ROBO2: variants seen among roughly 807,000 people sequenced by gnomAD.
ROBO2 encodes the protein roundabout guidance receptor 2, also known as roundabout homolog 2.
In ROBO2, 53 loss-of-function variants were observed where a neutral mutation model predicts 160.8. That is an observed-to-expected ratio of 0.33 (90% CI 0.26 to 0.41). ROBO2 has a LOEUF of 0.41. Ranked by LOEUF, ROBO2 falls within the 10% of genes least tolerant of loss-of-function variation. ROBO2 has a pLI of 1.00. For synonymous variants in ROBO2, 664 were observed against 611.7 expected (o/e 1.09, Z -1.26); for missense variants, 1,577 against 1,722.4 (o/e 0.92, Z 1.49).
intron 2 of ROBO2, among the ~76,000 whole-genome samples, chr3:76,049,313 C>A (rs528397690): frequency 1.2e-4 from 18 of 150,112 alleles, no homozygotes; most frequent in African/African-American, 4.2e-4. Flanking sequence ...TGGGCTCAAG[C>A]AATCCTCTCA....
intron 3 of ROBO2, among the ~76,000 whole-genome samples, chr3:77,477,830 C>CTTTTTTTTTTT (rs11371687): frequency 1.2e-5 from 1 of 84,472 alleles, no homozygotes; most frequent in Non-Finnish European, 2.1e-5. Flanking sequence ...TATTTTAGCT[C>CTTTTTTTTTTT]TTTTTTTTTT....
At chr3:77,027,434 A>G (rs938071111) in intron 2 of ROBO2, among the ~76,000 whole-genome samples, 4 of 152,196 alleles carry the variant, frequency 2.6e-5, no homozygotes, top group Non-Finnish European at 4.4e-5. Flanking sequence ...TTCATCTGAA[A>G]GTATACGCAG....
intron 2 of ROBO2, among the ~76,000 whole-genome samples, chr3:75,943,712 G>C (rs1948153448): frequency 6.6e-6 from 1 of 151,802 alleles, no homozygotes; most frequent in South Asian, 2.1e-4. Flanking sequence ...TTTGTTTTTT[G>C]TTTTTTTGAG....
intron 2 of ROBO2, among the ~76,000 whole-genome samples, chr3:76,201,066 A>C (rs1338176989): frequency 6.6e-6 from 1 of 152,190 alleles, no homozygotes; most frequent in Non-Finnish European, 1.5e-5. Context: ...TCAGAAAAAG[A>C]AAACAGCACA....
chr3:76,203,256 G>T (rs961583814), intron 2 of ROBO2, among the ~76,000 whole-genome samples: 15 of 152,144 alleles, frequency 9.9e-5, no homozygotes, highest in Non-Finnish European at 1.5e-5. Context: ...TTGGCCAATG[G>T]AAAGCCACAA....
rs150164033 is a variant in ROBO2, at chr3:77,019,527, G to A, written c.110-78487G>A. Among the ~76,000 whole-genome samples the A allele has an allele frequency of 7.7e-4, 117 of 152,222 alleles. 1 individual carries two copies. In the South Asian group the frequency reaches 0.013, roughly 17 times the overall value. On this transcript the variant is annotated intron_variant, in intron 2 of 26. Transcript: ENST00000487694. ...AAGGCAGGAAGAAGAGCTCCTTGGG[G>A]CCAAATGACATAAGAAAATTCTTCA...
chr3:77,070,282 T>A (rs1213288130), intron 1 of ROBO2, among the ~76,000 whole-genome samples: 1 of 152,188 alleles, frequency 6.6e-6, no homozygotes, highest in Non-Finnish European at 1.5e-5. Flanking sequence ...AATAATTGAT[T>A]ACAACAACCC....
chr3:76,061,884 G>A (rs544210729), intron 2 of ROBO2, among the ~76,000 whole-genome samples: 4 of 152,222 alleles, frequency 2.6e-5, no homozygotes, highest in Admixed American at 6.5e-5. Context: ...GGGGCCACCC[G>A]CATTCTTTGG....
intron 2 of ROBO2, among the ~76,000 whole-genome samples, chr3:77,418,025 G>C (rs1031540223): frequency 2.0e-5 from 3 of 152,054 alleles, no homozygotes; most frequent in African/African-American, 7.2e-5. Context: ...AGGAATAAAT[G>C]AATGAATATA....
intron 2 of ROBO2, among the ~76,000 whole-genome samples, chr3:76,352,614 A>G (rs894703605): frequency 2.0e-5 from 3 of 151,982 alleles, no homozygotes; most frequent in African/African-American, 7.2e-5. Flanking sequence ...TAAAATGACT[A>G]AGGACAAAAA....
intron 2 of ROBO2, among the ~76,000 whole-genome samples, chr3:76,207,342 G>T (rs926277234): frequency 6.0e-4 from 91 of 152,196 alleles, no homozygotes; most frequent in African/African-American, 1.9e-3. Context: ...TTTACTGAAA[G>T]ATCTATTCAT....
In ROBO2 at chr3:76,058,187, A is replaced by G. The variant is rs190135535; in HGVS notation, c.109+120585A>G. ...GTTACGTAGGTATACACATGCCATG[A>G]TGGTTTGCTGCACCCATCATCCTGT... On this transcript the variant is annotated intron_variant, in intron 2 of 26. Transcript: ENST00000487694. 9.9e-5 allele frequency among the ~76,000 whole-genome samples: 15 copies of G among 151,770 alleles called. No individual in the cohort carries two copies. In the East Asian group the frequency reaches 2.1e-3, roughly 22 times the overall value.
At chr3:77,616,851 G>A (rs1326953012) in intron 21 of ROBO2, among the ~76,000 whole-genome samples, 2 of 152,010 alleles carry the variant, frequency 1.3e-5, no homozygotes, top group East Asian at 1.9e-4. Flanking sequence ...TTTTTTAAAA[G>A]GATAGATCTC....
intron 2 of ROBO2, among the ~76,000 whole-genome samples, chr3:76,761,095 A>G (rs2608156): frequency 0.84 from 127,172 of 151,632 alleles, 53,437 homozygotes; most frequent in Admixed American, 0.86. Flanking sequence ...TTTTAACAAT[A>G]TGTCCTTTTT....
At chr3:77,312,896 C>T (rs2063669435) in intron 2 of ROBO2, among the ~76,000 whole-genome samples, 1 of 152,160 alleles carries the variant, frequency 6.6e-6, no homozygotes, top group South Asian at 2.1e-4. Context: ...TTAATTATCA[C>T]CAAATCTAAA....
At chr3:76,640,269 G>A (rs1236860349) in intron 2 of ROBO2, among the ~76,000 whole-genome samples, 1 of 152,146 alleles carries the variant, frequency 6.6e-6, no homozygotes, top group Non-Finnish European at 1.5e-5. Context: ...GGTGGCTCAC[G>A]CCTGTAATCC....
chr3:76,779,051 A>G (rs1012752693), intron 2 of ROBO2, among the ~76,000 whole-genome samples: 3 of 151,036 alleles, frequency 2.0e-5, no homozygotes, highest in African/African-American at 7.3e-5. Context: ...TGACTTCATA[A>G]TCTCTACCTC....
chr3:77,132,339 T>C (rs2075921955), intron 2 of ROBO2, among the ~76,000 whole-genome samples: 2 of 152,090 alleles, frequency 1.3e-5, no homozygotes, highest in African/African-American at 2.4e-5. Flanking sequence ...TGATCCTACA[T>C]AGACCTCAGT....
intron 2 of ROBO2, among the ~76,000 whole-genome samples, chr3:76,783,806 T>C (rs1025678636): frequency 6.6e-6 from 1 of 151,058 alleles, no homozygotes; most frequent in African/African-American, 2.4e-5. Context: ...AAATAAGTTT[T>C]CTGGCCCTTT....
Sources: gnomAD v4.1 joint callset for allele counts (sites outside exome capture counted in the v4.1 genomes callset) on GRCh38, gnomAD v4.1.1 for gene constraint, MANE v1.5 for transcripts, NCBI Gene and HGNC (gene_info 2026-07-23, HGNC 2026-07-21) for gene names.